The following TET1 variants were observed in gnomAD, a reference collection of about 807,000 sequenced individuals.
The protein encoded by TET1 is tet methylcytosine dioxygenase 1.
TET1 carries 13 observed loss-of-function variants against 148.7 expected under a neutral mutation model. That is an observed-to-expected ratio of 0.09 (90% CI 0.06 to 0.14). TET1 has a LOEUF of 0.14. Ranked by LOEUF, TET1 falls within the 10% of genes least tolerant of loss-of-function variation. The probability of loss-of-function intolerance (pLI) is 1.00; values close to 1 mark genes in which losing one functional copy is unlikely to be tolerated. For synonymous variants in TET1, 907 were observed against 937.2 expected, an observed-to-expected ratio of 0.97 and a Z score of 0.59; for missense variants, 2,182 against 2,553.8, an observed-to-expected ratio of 0.85 and a Z score of 3.14.
intron 3 of TET1, among the ~76,000 whole-genome samples, chr10:68,615,894 G>A (rs373442917): frequency 1.3e-5 from 2 of 152,118 alleles, no homozygotes; most frequent in South Asian, 2.1e-4. Context: ...TGATCCGCCC[G>A]CTTTGGCCTC....
intron 11 of TET1, among the ~76,000 whole-genome samples, chr10:68,687,114 C>G (rs1396704444): frequency 6.6e-6 from 1 of 151,736 alleles, no homozygotes; most frequent in East Asian, 1.9e-4. Flanking sequence ...GTCTCGATCT[C>G]CTGACCTCTT....
At position 68,646,378 on chromosome 10, in the gene TET1, A is replaced by G. The variant is rs2054848090; in HGVS notation, c.3649A>G (p.Thr1217Ala). The change falls in exon 4 of 12, where the codon ACC (threonine) becomes GCC (alanine). Residue 1217 changes from threonine (T) to alanine (A), a missense_variant. Thr to Ala is a moderately conservative substitution (Grantham distance 58, BLOSUM62 0). Coordinates refer to ENST00000373644, the MANE Select transcript of TET1 (RefSeq NM_030625.3). ...TGTATTTGGGAAAATTTCTTCCTCG[A>G]CCAAAATATGGAAACCACTGGCTCA... ...PTVFGKISSS[T>A]KIWKPLAQTR... is the part of the protein sequence containing the mutation. The G allele has an allele frequency of 1.9e-6, 3 of 1,614,034 alleles. No individual in the cohort carries two copies. Among genetic ancestry groups the G allele is most frequent in the Non-Finnish European group, 2.5e-6 (3 of 1,180,038 alleles).
intron 6 of TET1, among the ~76,000 whole-genome samples, chr10:68,652,827 T>C (rs949665113): frequency 6.7e-6 from 1 of 149,468 alleles, no homozygotes; most frequent in African/African-American, 2.5e-5. Flanking sequence ...ACTTAAGACT[T>C]GCCACCAAAC....
intron 3 of TET1, among the ~76,000 whole-genome samples, chr10:68,617,007 T>A (rs1192677302): frequency 5.9e-3 from 33 of 5,576 alleles, no homozygotes; most frequent in South Asian, 0.022. Context: ...GCGCCTGGCC[T>A]TTTTTTTTTT....
rs1590147117 is a variant in TET1, at chr10:68,560,555, G to T, written c.-310G>T. 2.6e-5 allele frequency: 4 copies of T among 152,444 alleles called. 1 individual carries two copies. The highest frequency in any genetic ancestry group is 1.3e-4 in the Admixed American group (2 of 15,310). The allele number at this position is 152,444 out of a possible 1,614,324, so 9.4% of individuals were successfully genotyped here. ...TTGGGAACCGACTCCTCACCTCGGG[G>T]GCTCGGGCCTTGACTGTGCTGGGAG... On this transcript the variant is annotated 5_prime_UTR_variant, in exon 1 of 12. Coordinates refer to ENST00000373644, the MANE Select transcript of TET1 (RefSeq NM_030625.3).
At chr10:68,580,313 A>ATTTTTTTTTTTTTTTTTTTTT (rs1163318028) in intron 2 of TET1, among the ~76,000 whole-genome samples, 1 of 60,400 alleles carries the variant, frequency 1.7e-5, no homozygotes, top group Non-Finnish European at 2.9e-5. Flanking sequence ...ATTATATTCA[A>ATTTTTTTTTTTTTTTTTTTTT]TTTTTTTTTT....
intron 11 of TET1, among the ~76,000 whole-genome samples, chr10:68,690,548 A>C (rs1198622627): frequency 6.6e-6 from 1 of 152,238 alleles, no homozygotes; most frequent in Admixed American, 6.5e-5. Context: ...GTGCCACTGC[A>C]CTCCAGCCTG....
At chr10:68,620,547 A>G (rs751754142) in intron 3 of TET1, among the ~76,000 whole-genome samples, 15 of 151,992 alleles carry the variant, frequency 9.9e-5, no homozygotes, top group Admixed American at 2.0e-4. Flanking sequence ...TTTTCTTTCT[A>G]TATCCTCCAG....
intron 3 of TET1, among the ~76,000 whole-genome samples, chr10:68,602,296 C>T (rs1161646209): frequency 6.6e-6 from 1 of 152,160 alleles, no homozygotes; most frequent in Non-Finnish European, 1.5e-5. Flanking sequence ...GTTGATCCAT[C>T]GACCCCCATT....
chr10:68,665,300 A>G lies in TET1; in HGVS notation c.4462-1745A>G, dbSNP rs545298159. On this transcript the variant is annotated intron_variant, in intron 6 of 11. Coordinates refer to ENST00000373644, the MANE Select transcript of TET1 (RefSeq NM_030625.3). ...TACACATACACACACACACACACAC[A>G]TACACACGAACCTCTGATAGGGTTT... is the stretch of plus-strand genomic sequence containing the variant. 1.5e-3 allele frequency among the ~76,000 whole-genome samples: 230 copies of G among 151,892 alleles called. 2 individuals are homozygous for G. In the East Asian group the frequency reaches 0.015, roughly 10 times the overall value.
At chr10:68,643,889 A>T (rs577237626) in intron 3 of TET1, among the ~76,000 whole-genome samples, 2 of 152,090 alleles carry the variant, frequency 1.3e-5, no homozygotes, top group South Asian at 4.1e-4. Context: ...TACCGATGTA[A>T]AAGTAGTTTA....
At chr10:68,629,133 G>A (rs2133016817) in intron 3 of TET1, among the ~76,000 whole-genome samples, 1 of 152,258 alleles carries the variant, frequency 6.6e-6, no homozygotes, top group Middle Eastern at 3.4e-3. Flanking sequence ...GGAAGCCTGA[G>A]GTGGGGGGGT....
chr10:68,656,140 T>C (rs898142970), intron 6 of TET1, among the ~76,000 whole-genome samples: 8 of 152,304 alleles, frequency 5.3e-5, no homozygotes, highest in Admixed American at 5.2e-4. Context: ...GATTCTTTAT[T>C]ATGATGAGTT....
intron 2 of TET1, among the ~76,000 whole-genome samples, chr10:68,600,468 C>T (rs1431552805): frequency 6.6e-6 from 1 of 152,166 alleles, no homozygotes; most frequent in Non-Finnish European, 1.5e-5. Context: ...CCGAGCCGCA[C>T]AGGAGATCCT....
At chr10:68,625,537 G>A (rs1283396098) in intron 3 of TET1, among the ~76,000 whole-genome samples, 1 of 151,922 alleles carries the variant, frequency 6.6e-6, no homozygotes, top group East Asian at 1.9e-4. Flanking sequence ...TTAGGGTCAG[G>A]ATGTAACTTT....
intron 6 of TET1, among the ~76,000 whole-genome samples, chr10:68,662,144 G>T (rs552554483): frequency 1.0e-3 from 17 of 16,830 alleles, no homozygotes; most frequent in Non-Finnish European, 1.8e-3. Flanking sequence ...CAAATTGCTG[G>T]GACAGGCTTG....
intron 2 of TET1, among the ~76,000 whole-genome samples, chr10:68,590,013 T>G (rs1411876393): frequency 6.6e-6 from 1 of 152,150 alleles, no homozygotes; most frequent in Non-Finnish European, 1.5e-5. Flanking sequence ...GCTCATTACA[T>G]GGTTTACGTG....
rs1188922467 is a variant in TET1 at position 68,686,386 on chromosome 10, T to C, written c.5083T>C (p.Ser1695Pro). 1.2e-6 allele frequency: 2 copies of C among 1,611,774 alleles called. No individual in the cohort carries two copies. Among genetic ancestry groups the C allele is most frequent in the African/African-American group, 1.3e-5 (1 of 74,820 alleles). The change falls in exon 11 of 12, where the codon TCT (serine) becomes CCT (proline). Residue 1695 changes from serine to proline, a missense_variant. Ser to Pro is a moderately conservative substitution (Grantham distance 74). This residue lies in a region of TET1 where 380 missense variants were observed against 387.9 expected (regional missense o/e 0.98). Transcript: ENST00000373644. The stretch of plus-strand genomic sequence containing the variant: ...TACCTTAACTCGAGAAGATAACCGC[T>C]CTTTGGGTGTTATTCCTCAAGATGA... ...VCTLTREDNR[S>P]LGVIPQDEQL...
chr10:68,570,364 C>G (rs2053654725), intron 1 of TET1, among the ~76,000 whole-genome samples: 1 of 151,968 alleles, frequency 6.6e-6, no homozygotes, highest in African/African-American at 2.4e-5. Flanking sequence ...CTCGGCCTCC[C>G]AAAGTGCTGG....
Sources: gnomAD v4.1 joint callset for allele counts (sites outside exome capture counted in the v4.1 genomes callset) on GRCh38, gnomAD v4.1.1 for gene constraint, gnomAD v4.1.1 regional missense constraint, MANE v1.5 for transcripts, NCBI Gene and HGNC (gene_info 2026-07-23, HGNC 2026-07-21) for gene names.